SPMAP1: variants seen among roughly 807,000 people sequenced by gnomAD.
The protein encoded by SPMAP1 is sperm microtubule associated protein 1.
chr17:38,837,895 G>C, the SPMAP1 span, among the ~76,000 whole-genome samples: 3 of 151,950 alleles, frequency 2.0e-5, no homozygotes, highest in East Asian at 5.8e-4. Flanking sequence ...ATTGCTGTGA[G>C]GTTTGTTTTT....
chr17:38,839,177 C>T, the SPMAP1 span, among the ~76,000 whole-genome samples: 1 of 151,132 alleles, frequency 6.6e-6, no homozygotes, highest in African/African-American at 2.4e-5. Flanking sequence ...TCAAGTTCTT[C>T]CTTTTCCCCT....
At chr17:38,839,085 CAAAAAA>C in the SPMAP1 span, among the ~76,000 whole-genome samples, 1 of 63,900 alleles carries the variant, frequency 1.6e-5, no homozygotes, top group African/African-American at 5.8e-5. Flanking sequence ...GACTCTGTCT[CAAAAAA>C]AAAAAAAAAA....
At chr17:38,836,366 T>G in the SPMAP1 span, among the ~76,000 whole-genome samples, 1 of 152,002 alleles carries the variant, frequency 6.6e-6, no homozygotes, top group Non-Finnish European at 1.5e-5. Context: ...TTTGGGAGGC[T>G]GAGGCCAGAG....
At chr17:38,835,218 C>T in the SPMAP1 span, 103 of 1,614,188 alleles carry the variant, frequency 6.4e-5, 1 homozygote, top group African/African-American at 4.1e-4. Context: ...GTGACCTCTC[C>T]GAAGACGGAC....
chr17:38,837,604 G>T, the SPMAP1 span, among the ~76,000 whole-genome samples: 1 of 151,538 alleles, frequency 6.6e-6, no homozygotes, highest in African/African-American at 2.4e-5. Flanking sequence ...CTTGAACCCC[G>T]GAGGCAGAAG....
the SPMAP1 span, chr17:38,841,422 G>C: frequency 6.2e-7 from 1 of 1,604,998 alleles, no homozygotes; most frequent in East Asian, 2.2e-5. Context: ...GGCCTTTCTG[G>C]TGGGGGATGA....
chr17:38,841,365 G>A, the SPMAP1 span: 3 of 1,614,024 alleles, frequency 1.9e-6, no homozygotes, highest in Non-Finnish European at 2.5e-6. Context: ...TCCAGTCGCA[G>A]GCGACACTCG....
chr17:38,835,595 G>C, the SPMAP1 span, among the ~76,000 whole-genome samples: 3 of 152,238 alleles, frequency 2.0e-5, no homozygotes, highest in African/African-American at 7.2e-5. Flanking sequence ...TGAATGGTTT[G>C]TGCTGGGACA....
At chr17:38,837,977 T>C in the SPMAP1 span, among the ~76,000 whole-genome samples, 3 of 152,080 alleles carry the variant, frequency 2.0e-5, no homozygotes, top group Admixed American at 6.6e-5. Flanking sequence ...CAACCTCCGC[T>C]TCCTGGGTTC....
the SPMAP1 span, among the ~76,000 whole-genome samples, chr17:38,836,270 A>T: frequency 6.6e-6 from 1 of 151,980 alleles, no homozygotes; most frequent in South Asian, 2.1e-4. Flanking sequence ...CTTTAACTCA[A>T]GAAACTTGTT....
At chr17:38,837,798 C>G in the SPMAP1 span, among the ~76,000 whole-genome samples, 1 of 152,144 alleles carries the variant, frequency 6.6e-6, no homozygotes. Flanking sequence ...TGGGTTCTAA[C>G]TCCAGCTCAA....
At chr17:38,840,124 G>T in the SPMAP1 span, among the ~76,000 whole-genome samples, 2 of 152,156 alleles carry the variant, frequency 1.3e-5, no homozygotes, top group Admixed American at 6.6e-5. Flanking sequence ...GAAAAGGCCA[G>T]GGGGAGGAAC....
the SPMAP1 span, chr17:38,841,268 G>A: frequency 8.1e-6 from 13 of 1,614,152 alleles, no homozygotes; most frequent in Non-Finnish European, 1.1e-5. Context: ...GTTGTAGGGC[G>A]GAATCGCCGA....
At chr17:38,839,687 C>G in the SPMAP1 span, among the ~76,000 whole-genome samples, 3 of 151,662 alleles carry the variant, frequency 2.0e-5, no homozygotes, top group Non-Finnish European at 4.4e-5. Context: ...GTAGTCCCAG[C>G]TACTTGGGAG....
chr17:38,840,617 C>CAGA, the SPMAP1 span, among the ~76,000 whole-genome samples: 1 of 48,696 alleles, frequency 2.1e-5, no homozygotes, highest in Non-Finnish European at 3.5e-5. Flanking sequence ...CCCCTCTCTA[C>CAGA]AAAAAAAAAA....
At chr17:38,836,585 C>CTTTTTTTTTTTTT in the SPMAP1 span, among the ~76,000 whole-genome samples, 3 of 58,428 alleles carry the variant, frequency 5.1e-5, no homozygotes, top group Non-Finnish European at 7.2e-5. Flanking sequence ...TTCTTTCTTT[C>CTTTTTTTTTTTTT]TTTTTTTTTT....
the SPMAP1 span, among the ~76,000 whole-genome samples, chr17:38,839,527 AC>A: frequency 2.7e-5 from 4 of 150,870 alleles, no homozygotes; most frequent in Non-Finnish European, 4.4e-5. Flanking sequence ...GGTGGCTCAC[AC>A]CTGTATCCCA....
At chr17:38,835,165 T>C in the SPMAP1 span, 2 of 1,608,748 alleles carry the variant, frequency 1.2e-6, no homozygotes, top group Admixed American at 1.7e-5. Context: ...TTCAGGTCGA[T>C]GGCTATGAAG....
the SPMAP1 span, chr17:38,841,368 G>C: frequency 6.2e-7 from 1 of 1,613,954 alleles, no homozygotes. Flanking sequence ...AGTCGCAGGC[G>C]ACACTCGCTC....
Sources: gnomAD v4.1 joint callset for allele counts (sites outside exome capture counted in the v4.1 genomes callset) on GRCh38, gnomAD v4.1.1 for gene constraint, MANE v1.5 for transcripts, NCBI Gene and HGNC (gene_info 2026-07-23, HGNC 2026-07-21) for gene names.